DIP2A: variants seen among roughly 807,000 people sequenced by gnomAD.
DIP2A encodes the protein DIP2 acetate--CoA ligase A.
A neutral mutation model predicts 177.4 loss-of-function variants in DIP2A; 85 were observed. That is an observed-to-expected ratio of 0.48 (90% CI 0.40 to 0.57). The LOEUF (loss-of-function observed/expected upper bound fraction) is 0.57, where lower values mean the gene tolerates loss of function less well. Ranked by LOEUF, DIP2A falls within the 20% of genes least tolerant of loss-of-function variation. The pLI is 0.00. For synonymous variants in DIP2A, 886 were observed against 881.8 expected (o/e 1.00, Z -0.08); for missense variants, 1,791 against 2,100.2 (o/e 0.85, Z 2.88).
At chr21:46,549,732 C>T (rs2060198686) in intron 21 of DIP2A, 39 bp from the exon 22 acceptor site, 1 of 1,609,108 alleles carries the variant, frequency 6.2e-7, no homozygotes, top group Non-Finnish European at 8.5e-7. Context: ...TCTTGTTTGG[C>T]CTCTTGCCGT....
chr21:46,560,327 TCCC>T (rs987167187), intron 32 of DIP2A, among the ~76,000 whole-genome samples: 2 of 152,134 alleles, frequency 1.3e-5, no homozygotes, highest in Admixed American at 6.5e-5. Context: ...CTGCGAGCAG[TCCC>T]CGGTAGAATT....
intron 3 of DIP2A, among the ~76,000 whole-genome samples, chr21:46,494,087 C>A (rs80057140): frequency 3.3e-5 from 5 of 152,172 alleles, no homozygotes; most frequent in Non-Finnish European, 7.3e-5. Flanking sequence ...AAAGATAATG[C>A]CATTTTCACA....
chr21:46,477,022 C>A (rs1182111468), intron 1 of DIP2A, among the ~76,000 whole-genome samples: 3 of 152,102 alleles, frequency 2.0e-5, no homozygotes, highest in Non-Finnish European at 4.4e-5. Flanking sequence ...TAAAAAGGAT[C>A]ATTTAATTTC....
chr21:46,509,883 T>C (rs991224573), intron 7 of DIP2A, among the ~76,000 whole-genome samples: 4 of 152,168 alleles, frequency 2.6e-5, no homozygotes, highest in Admixed American at 6.5e-5. Flanking sequence ...ATGCTGGTCC[T>C]ACTCGCAGAC....
chr21:46,487,575 A>T (rs1471460191), intron 2 of DIP2A, among the ~76,000 whole-genome samples: 2 of 152,234 alleles, frequency 1.3e-5, no homozygotes, highest in Non-Finnish European at 2.9e-5. Flanking sequence ...AGGTGATATT[A>T]TTTTATACCT....
At chr21:46,460,993 T>C (rs1270846703) in intron 1 of DIP2A, among the ~76,000 whole-genome samples, 3 of 151,648 alleles carry the variant, frequency 2.0e-5, no homozygotes, top group Non-Finnish European at 2.9e-5. Context: ...CGTGCCTGGC[T>C]TGTGGCACAT....
At chr21:46,496,862 A>G in intron 3 of DIP2A, 126 bp from the exon 4 acceptor site, 1 of 876,158 alleles carries the variant, frequency 1.1e-6, no homozygotes, top group Non-Finnish European at 1.6e-6. Flanking sequence ...CCAACATGTG[A>G]GGATAGACAG....
chr21:46,574,589 G>T (rs1255069072), downstream of DIP2A, among the ~76,000 whole-genome samples: 1 of 152,002 alleles, frequency 6.6e-6, no homozygotes, highest in Non-Finnish European at 1.5e-5. Context: ...AAGAAAAAAA[G>T]AAGACAGATT....
intron 1 of DIP2A, among the ~76,000 whole-genome samples, chr21:46,459,771 C>T (rs1484201649): frequency 6.6e-6 from 1 of 152,112 alleles, no homozygotes; most frequent in African/African-American, 2.4e-5. Context: ...ACTCCTCACC[C>T]CGGGACGCCT....
At position 46,511,476 on chromosome 21, in the gene DIP2A, G is replaced by A. The variant is rs2058309421; in HGVS notation, c.964G>A (p.Gly322Arg). The A allele has an allele frequency of 6.2e-7, 1 of 1,613,232 alleles. No individual in the cohort carries two copies. Among genetic ancestry groups the A allele is most frequent in the Non-Finnish European group, 8.5e-7 (1 of 1,179,640 alleles). Reference protein sequence around the residue: ...PEGSETSVLRGEPLTAGVPRP... With the variant: ...PEGSETSVLRREPLTAGVPRP... ...GGGAAGCGAGACGAGTGTGCTGAGA[G>A]GGGAGCCTCTCACTGCAGGTGTCCC... The change falls in exon 8 of 38, where the codon GGG (glycine) becomes AGG (arginine). Residue 322 changes from glycine (G) to arginine (R), a missense_variant. Coordinates refer to ENST00000417564, the MANE Select transcript of DIP2A (RefSeq NM_015151.4).
chr21:46,479,260 T>C (rs1170605021), intron 1 of DIP2A, among the ~76,000 whole-genome samples: 1 of 152,240 alleles, frequency 6.6e-6, no homozygotes, highest in East Asian at 1.9e-4. Flanking sequence ...TGTCTTCAGA[T>C]TTAAAGAAAA....
intron 3 of DIP2A, among the ~76,000 whole-genome samples, chr21:46,496,252 C>T (rs531338331): frequency 6.6e-6 from 1 of 152,146 alleles, no homozygotes; most frequent in South Asian, 2.1e-4. Context: ...TGTCCAAGCT[C>T]TAGCTATGGT....
chr21:46,486,614 A>G (rs1411334882), intron 2 of DIP2A, among the ~76,000 whole-genome samples: 5 of 152,234 alleles, frequency 3.3e-5, no homozygotes, highest in Non-Finnish European at 5.9e-5. Context: ...CAAATAGCCA[A>G]TGAGCAAATG....
intron 1 of DIP2A, among the ~76,000 whole-genome samples, chr21:46,461,271 C>CAAAAAAAAAAA (rs60346777): frequency 0.062 from 3,043 of 49,210 alleles, 533 homozygotes; most frequent in East Asian, 0.21. Context: ...CTCTTCTCAC[C>CAAAAAAAAAAA]AAAAAAAAAA....
chr21:46,549,882 G>A lies in DIP2A; in HGVS notation c.2634G>A (p.Leu878=), dbSNP rs772374544. 2.5e-6 allele frequency: 4 copies of A among 1,610,404 alleles called. No individual in the cohort carries two copies. The African/African-American group carries it at 5.3e-5, about 21-fold the overall frequency. ...EDSFQWMSRV[L]QAIDSIHQVG... is the part of the protein sequence containing the mutation. ...GCTTCCAGTGGATGAGCCGTGTGCT[G>A]CAGGTGGGCGCCCCGGCACGGCCTA... The change falls in exon 22 of 38, where the codon CTG becomes CTA. Residue 878 remains leucine (L), a synonymous_variant. Transcript: ENST00000417564.
chr21:46,562,408 A>G (rs962199298), intron 34 of DIP2A, among the ~76,000 whole-genome samples: 3 of 152,206 alleles, frequency 2.0e-5, no homozygotes, highest in African/African-American at 4.8e-5. Context: ...CAGGCTTGAT[A>G]TGAGTCGGGG....
intron 2 of DIP2A, among the ~76,000 whole-genome samples, chr21:46,486,307 C>T (rs1368421943): frequency 6.6e-6 from 1 of 152,132 alleles, no homozygotes; most frequent in Non-Finnish European, 1.5e-5. Context: ...TGGGTTTGAG[C>T]AGTCCTCTCA....
At chr21:46,468,261 C>CAAAAAA (rs1207842729) in intron 1 of DIP2A, among the ~76,000 whole-genome samples, 1 of 87,834 alleles carries the variant, frequency 1.1e-5, no homozygotes, top group South Asian at 4.8e-4. Context: ...GAGACTGTCT[C>CAAAAAA]AAAAAAAAAA....
Sources: allele counts gnomAD v4.1 joint callset (sites outside exome capture counted in the v4.1 genomes callset), GRCh38; gene constraint gnomAD v4.1.1; transcripts MANE v1.5; gene names NCBI Gene and HGNC (gene_info 2026-07-23, HGNC 2026-07-21).